CNBD2: variants seen among roughly 807,000 people sequenced by gnomAD.
CNBD2 encodes the protein cyclic nucleotide-binding domain-containing protein 2.
A neutral mutation model predicts 63.7 loss-of-function variants in CNBD2; 64 were observed. That is an observed-to-expected ratio of 1.00 (90% CI 0.82 to 1.24). CNBD2 has a LOEUF of 1.24. CNBD2 is among the 50% of genes most tolerant of loss of function. The probability of loss-of-function intolerance (pLI) is 0.00; values close to 1 mark genes in which losing one functional copy is unlikely to be tolerated. For missense variants in CNBD2, 691 were observed against 713.5 expected (o/e 0.97, Z 0.36); for synonymous variants, 229 against 255.4 (o/e 0.90, Z 0.99).
At chr20:36,000,892 C>T (rs1200442271) in intron 8 of CNBD2, among the ~76,000 whole-genome samples, 5 of 151,358 alleles carry the variant, frequency 3.3e-5, no homozygotes, top group Non-Finnish European at 5.9e-5. Flanking sequence ...GAGGACCCTG[C>T]GGCCTTCCGC....
At chr20:35,995,002 G>A (rs1172919418) in intron 7 of CNBD2, 36 bp from the exon 8 acceptor site, 6 of 1,462,618 alleles carry the variant, frequency 4.1e-6, no homozygotes, top group Non-Finnish European at 4.8e-6. Flanking sequence ...GAGCCTTAGG[G>A]GTTAACCCTT....
rs1601117807 is a variant in CNBD2 at position 36,030,451 on chromosome 20, C to T, written c.1534C>T (p.Gln512Ter). The change falls in exon 12 of 12, where the codon CAA (glutamine) becomes TAA (stop). Residue 512 changes from glutamine to a stop codon, truncating the protein, a stop_gained. Transcript: ENST00000373973. LOFTEE classifies it low-confidence loss of function (END_TRUNC). ...GCTGCTCGTGGAGCCTTGCCAAAGT[C>T]AACTGTTCACTCCAAACCGGCCCAA... is the stretch of plus-strand genomic sequence containing the variant. ...LQLLVEPCQS[Q>*]LFTPNRPKKR... 4 of 1,614,012 alleles carry T rather than the reference C, an allele frequency of 2.5e-6. No homozygotes were observed. Among genetic ancestry groups the T allele is most frequent in the Non-Finnish European group, 3.4e-6 (4 of 1,180,024 alleles).
At chr20:35,966,893 C>G (rs998450794), upstream of CNBD2, among the ~76,000 whole-genome samples, 1 of 152,244 alleles carries the variant, frequency 6.6e-6, no homozygotes, top group African/African-American at 2.4e-5. Flanking sequence ...CTGTTCCCCA[C>G]TTCCTACTTA....
chr20:36,024,805 G>A (rs1379279652), intron 11 of CNBD2, among the ~76,000 whole-genome samples: 1 of 151,700 alleles, frequency 6.6e-6, no homozygotes, highest in Admixed American at 6.6e-5. Context: ...TGTGGTGGCG[G>A]GCACCTTTAC....
chr20:36,025,409 A>C (rs751531566), intron 11 of CNBD2, among the ~76,000 whole-genome samples: 1 of 152,062 alleles, frequency 6.6e-6, no homozygotes, highest in Non-Finnish European at 1.5e-5. Flanking sequence ...ATCATGGCTC[A>C]CTGTAGCCTT....
chr20:35,970,569 G>GT (rs1310712614), intron 1 of CNBD2, among the ~76,000 whole-genome samples: 5 of 150,352 alleles, frequency 3.3e-5, no homozygotes, highest in Admixed American at 1.3e-4. Flanking sequence ...GCTAATTTTT[G>GT]TTTTTTTTAG....
At chr20:36,005,490 T>C (rs1007776721) in intron 8 of CNBD2, among the ~76,000 whole-genome samples, 6 of 152,294 alleles carry the variant, frequency 3.9e-5, no homozygotes, top group Admixed American at 1.3e-4. Context: ...GGCCAGGGGA[T>C]TGGGGACCCC....
intron 11 of CNBD2, among the ~76,000 whole-genome samples, chr20:36,024,190 C>T (rs1327356827): frequency 6.6e-6 from 1 of 152,016 alleles, no homozygotes. Context: ...CCAAAATTAG[C>T]CAGGCGTGGT....
upstream of CNBD2, among the ~76,000 whole-genome samples, chr20:35,966,093 C>A (rs1896293558): frequency 6.6e-6 from 1 of 152,182 alleles, no homozygotes; most frequent in African/African-American, 2.4e-5. Context: ...CCAGTTGTTT[C>A]TTTCAGAAGC....
chr20:35,961,802 T>C (rs1324527381), intron 2 of CNBD2, among the ~76,000 whole-genome samples: 2 of 152,088 alleles, frequency 1.3e-5, no homozygotes, highest in Non-Finnish European at 2.9e-5. Context: ...AGTATGTGAA[T>C]TGGTTTAGCC....
intron 7 of CNBD2, among the ~76,000 whole-genome samples, chr20:35,994,310 C>T (rs1351802068): frequency 6.6e-6 from 1 of 152,082 alleles, no homozygotes; most frequent in African/African-American, 2.4e-5. Flanking sequence ...GGTGATCTGC[C>T]TGCCTCAGCC....
chr20:35,986,902 G>A (rs1406925990), intron 6 of CNBD2, among the ~76,000 whole-genome samples: 1 of 152,198 alleles, frequency 6.6e-6, no homozygotes, highest in Non-Finnish European at 1.5e-5. Flanking sequence ...GTCCAGACAT[G>A]TCCCACTCTC....
At chr20:35,975,568 G>C (rs369856324) in intron 2 of CNBD2, among the ~76,000 whole-genome samples, 8 of 151,934 alleles carry the variant, frequency 5.3e-5, no homozygotes, top group East Asian at 3.8e-4. Context: ...CCAAAGTGCT[G>C]GGATTACAGG....
At chr20:35,980,714 C>T in intron 4 of CNBD2, 92 bp downstream of exon 4, 1 of 1,191,324 alleles carries the variant, frequency 8.4e-7, no homozygotes, top group Non-Finnish European at 1.2e-6. Flanking sequence ...CTGCCCACCC[C>T]TCTGCATAAT....
At chr20:36,016,255 G>T (rs991794813) in intron 10 of CNBD2, among the ~76,000 whole-genome samples, 1 of 152,126 alleles carries the variant, frequency 6.6e-6, no homozygotes, top group African/African-American at 2.4e-5. Context: ...AGCCTAAAGA[G>T]CCCTATTATT....
intron 2 of CNBD2, among the ~76,000 whole-genome samples, chr20:35,960,774 T>C (rs1218371516): frequency 1.2e-5 from 1 of 85,056 alleles, no homozygotes; most frequent in African/African-American, 7.4e-5. Context: ...TTCTCTTCCC[T>C]TCTCTTCCAT....
intron 8 of CNBD2, among the ~76,000 whole-genome samples, chr20:35,999,793 T>A (rs2056872381): frequency 6.6e-6 from 1 of 151,958 alleles, no homozygotes; most frequent in African/African-American, 2.4e-5. Context: ...TTCTTCTGCC[T>A]CAGCCTCCCT....
At chr20:35,975,013 T>A (rs185663249) in intron 2 of CNBD2, 4,252 of 150,226 alleles carry the variant, frequency 0.028, 85 homozygotes, top group Non-Finnish European at 0.04. Context: ...TTTTATTTTT[T>A]TTTTTTGAGA....
In CNBD2 at chr20:36,008,336, A is replaced by T. The variant is rs2057012027; in HGVS notation, c.1010A>T (p.Lys337Ile). ...GAAAGATTTAAGGAATTCCAGATCA[A>T]ATCATATCCTCTGCAAGACTTTAGC... ...PMERFKEFQI[K>I]SYPLQDFSSL... The change falls in exon 9 of 12, where the codon AAA becomes ATA. Residue 337 changes from lysine (K) to isoleucine (I), a missense_variant. Lys to Ile is a moderately radical substitution (Grantham distance 102). Coordinates refer to ENST00000373973, the MANE Select transcript of CNBD2 (RefSeq NM_001365709.1). 6.2e-7 allele frequency: 1 copy of T among 1,613,530 alleles called. No homozygotes were observed.
Sources: gnomAD v4.1 joint callset for allele counts (sites outside exome capture counted in the v4.1 genomes callset) on GRCh38, gnomAD v4.1.1 for gene constraint, MANE v1.5 for transcripts, NCBI Gene and HGNC (gene_info 2026-07-23, HGNC 2026-07-21) for gene names.